The following TTC38 variants were observed in gnomAD, a reference collection of about 807,000 sequenced individuals.
TTC38 encodes tetratricopeptide repeat protein 38.
A neutral mutation model predicts 64.2 loss-of-function variants in TTC38; 64 were observed. That is an observed-to-expected ratio of 1.00 (90% CI 0.81 to 1.23). The LOEUF (loss-of-function observed/expected upper bound fraction) is 1.23. Among genes scored for constraint, TTC38 ranks in the 50% most tolerant of loss-of-function variants. The pLI, the probability that TTC38 is intolerant of heterozygous loss-of-function variation, is 0.00. For missense variants in TTC38, 573 were observed against 615.5 expected (o/e 0.93, Z 0.73); for synonymous variants, 254 against 249.3 (o/e 1.02, Z -0.18).
Position 46,275,564 on chromosome 22 carries a change from T to A in TTC38, c.539+143T>A. On this transcript the variant is annotated intron_variant, in intron 5 of 13. Transcript: ENST00000381031. The surrounding 1 kb of genome is among the most constrained non-coding windows in gnomAD (Gnocchi z 4.5). ...CCTAGTTCCTTAAAGTTCAAAGGCC[T>A]CATTTTCTTCACTTGATTTTCATCC... is the stretch of plus-strand genomic sequence containing the variant. 5 of 757,186 alleles carry A rather than the reference T, an allele frequency of 6.6e-6. No individual in the cohort carries two copies. Among genetic ancestry groups the A allele is most frequent in the Non-Finnish European group, 1.0e-5 (5 of 480,064 alleles). The allele number at this position is 757,186 out of a possible 1,614,324, so 46.9% of individuals were successfully genotyped here. A position where few individuals can be genotyped will look rare whatever the true frequency, so the allele number is the denominator to read the frequency against.
chr22:46,290,594 C>T (rs866885874), intron 13 of TTC38, among the ~76,000 whole-genome samples: 22 of 129,736 alleles, frequency 1.7e-4, no homozygotes, highest in African/African-American at 4.8e-4. Flanking sequence ...AGGAGGGTGG[C>T]GTGGCTGGAG....
Position 46,268,394 on chromosome 22 carries a change from C to T in TTC38, c.34-120C>T. ...CTTGGAACCGGCCCAGGACTGGGAGCCTGAGCCCATTTTACAGATGAGGAA... is the reference window on the plus strand; with the variant it reads ...CTTGGAACCGGCCCAGGACTGGGAGTCTGAGCCCATTTTACAGATGAGGAA... On this transcript the variant is annotated intron_variant, in intron 1 of 13. Coordinates refer to ENST00000381031, the MANE Select transcript of TTC38 (RefSeq NM_017931.4). 4 of 1,104,690 alleles carry T rather than the reference C, an allele frequency of 3.6e-6. No homozygotes were observed. In the South Asian group the frequency reaches 4.2e-5, roughly 12 times the overall value. 68.4% of individuals were successfully genotyped at this position (1,104,690 alleles called of 1,614,324 possible). A position where few individuals can be genotyped will look rare whatever the true frequency, so the allele number is the denominator to read the frequency against.
intron 10 of TTC38, 52 bp downstream of exon 10, chr22:46,287,206 A>C: frequency 6.7e-7 from 1 of 1,497,878 alleles, no homozygotes; most frequent in Non-Finnish European, 9.1e-7. Flanking sequence ...CCACATCATG[A>C]GGAGAGGGTG....
At chr22:46,280,006 G>T in intron 6 of TTC38, 1 of 407,844 alleles carries the variant, frequency 2.5e-6, no homozygotes, top group South Asian at 1.8e-5. Flanking sequence ...AGCAAGAAGT[G>T]GTGGATAGGG....
At chr22:46,290,259 A>G (rs927737442) in intron 13 of TTC38, among the ~76,000 whole-genome samples, 1 of 152,180 alleles carries the variant, frequency 6.6e-6, no homozygotes, top group African/African-American at 2.4e-5. Context: ...GTTAGACCTC[A>G]GCTCATTTCA....
intron 10 of TTC38, 138 bp downstream of exon 10, chr22:46,287,292 C>A: frequency 1.5e-6 from 1 of 677,250 alleles, no homozygotes; most frequent in Non-Finnish European, 2.4e-6. Context: ...CTGGCCACTG[C>A]CTTGGGTACC....
At chr22:46,283,776 C>T (rs562504848) in intron 7 of TTC38, among the ~76,000 whole-genome samples, 197 bp from the exon 8 acceptor site, 4 of 146,256 alleles carry the variant, frequency 2.7e-5, no homozygotes, top group East Asian at 2.1e-4. Flanking sequence ...TGCTTGAACC[C>T]GGGAGGCAGA....
chr22:46,288,706 G>C (rs1469760069), intron 11 of TTC38, 118 bp downstream of exon 11: 1 of 1,051,524 alleles, frequency 9.5e-7, no homozygotes, highest in Non-Finnish European at 1.4e-6. Context: ...CAGCAGGGGG[G>C]ATGCCCATGG....
chr22:46,268,677 G>A, intron 2 of TTC38, 86 bp downstream of exon 2: 1 of 1,180,168 alleles, frequency 8.5e-7, no homozygotes, highest in Non-Finnish European at 1.2e-6. Context: ...TTTTTGTTTT[G>A]TTTTGTTTTG....
intron 2 of TTC38, chr22:46,269,182 A>G (rs755740214): frequency 4.9e-5 from 19 of 387,048 alleles, no homozygotes; most frequent in South Asian, 3.5e-4. Context: ...TGCAGTGGGG[A>G]TGTTTTTTGA....
At chr22:46,283,543 C>T (rs2077549617) in intron 7 of TTC38, among the ~76,000 whole-genome samples, 1 of 152,158 alleles carries the variant, frequency 6.6e-6, no homozygotes, top group Non-Finnish European at 1.5e-5. Flanking sequence ...AATATTGTTT[C>T]CTGCACTCAA....
intron 13 of TTC38, among the ~76,000 whole-genome samples, chr22:46,290,675 AG>A (rs1480636587): frequency 1.3e-5 from 2 of 149,724 alleles, no homozygotes; most frequent in African/African-American, 2.5e-5. Context: ...GAGTGTTAGG[AG>A]GGTGGTGTGG....
intron 1 of TTC38, 145 bp downstream of exon 1, chr22:46,268,217 T>C: frequency 1.1e-6 from 1 of 936,860 alleles, no homozygotes; most frequent in Non-Finnish European, 1.5e-6. Context: ...CGGCAACGCC[T>C]GGAAGGGACC....
Position 46,289,809 on chromosome 22 carries a change from C to G in TTC38, c.1243-17C>G. On this transcript the variant is annotated splice_polypyrimidine_tract_variant and intron_variant, in intron 12 of 13. Transcript: ENST00000381031. ...TCCTGAGGTACAGGAGACTCACATG[C>G]CCGATTGACATTTCAGAGAGACGTC... 6.2e-7 allele frequency: 1 copy of G among 1,613,920 alleles called. No individual in the cohort carries two copies. The highest frequency in any genetic ancestry group is 1.1e-5 in the South Asian group (1 of 91,080).
intron 5 of TTC38, among the ~76,000 whole-genome samples, chr22:46,278,280 C>T (rs1274531630): frequency 6.6e-6 from 1 of 152,112 alleles, no homozygotes; most frequent in Non-Finnish European, 1.5e-5. Flanking sequence ...CTGGTGGTGC[C>T]CAGAGTTCCT....
At chr22:46,277,341 A>G (rs1478173159) in intron 5 of TTC38, among the ~76,000 whole-genome samples, 3 of 152,158 alleles carry the variant, frequency 2.0e-5, no homozygotes, top group African/African-American at 2.4e-5. Flanking sequence ...GCAATGGCTC[A>G]TGCCTGGAAT....
Position 46,292,741 on chromosome 22 carries a change from A to G in TTC38, c.1317-50A>G. 6.5e-7 allele frequency: 1 copy of G among 1,530,422 alleles called. No homozygotes were observed. The highest frequency in any genetic ancestry group is 9.0e-7 in the Non-Finnish European group (1 of 1,105,672). 94.8% of individuals were successfully genotyped at this position (1,530,422 alleles called of 1,614,324 possible). A position where few individuals can be genotyped will look rare whatever the true frequency, so the allele number is the denominator to read the frequency against. On this transcript the variant is annotated intron_variant, in intron 13 of 13. Transcript: ENST00000381031. This position sits in a 1 kb window ranked among gnomAD's most constrained non-coding sequence, Gnocchi z 6.5. Reference sequence around the variant, plus strand: ...TGGGACCAAGGGACCACCAGGCCCCACATCCCTCTAGAAGGTTCTGTAACA... The same window carrying G: ...TGGGACCAAGGGACCACCAGGCCCCGCATCCCTCTAGAAGGTTCTGTAACA...
Position 46,282,872 on chromosome 22 carries a change from G to A in TTC38, c.736-1101G>A, listed in dbSNP as rs2077544721. Reference sequence around the variant, plus strand: ...ATACCACCCACTCCCCTGGCTCTCGGGGCTTTGCCAGCACCTGTTGGAGTG... The same window carrying A: ...ATACCACCCACTCCCCTGGCTCTCGAGGCTTTGCCAGCACCTGTTGGAGTG... On this transcript the variant is annotated intron_variant, in intron 7 of 13. Transcript: ENST00000381031. This position sits in a 1 kb window ranked among gnomAD's most constrained non-coding sequence, Gnocchi z 4.4. 6.6e-6 allele frequency among the ~76,000 whole-genome samples: 1 copy of A among 152,190 alleles called. No homozygotes were observed. Among genetic ancestry groups the A allele is most frequent in the South Asian group, 2.1e-4 (1 of 4,830 alleles).
At chr22:46,280,083 T>C in intron 6 of TTC38, 1 of 470,312 alleles carries the variant, frequency 2.1e-6, no homozygotes, top group Middle Eastern at 3.3e-4. Flanking sequence ...CAACTCTTTG[T>C]CTTCAACACC....
Sources: allele counts gnomAD v4.1 joint callset (sites outside exome capture counted in the v4.1 genomes callset), GRCh38; gene constraint gnomAD v4.1.1; non-coding constraint Gnocchi (gnomAD v3.1); transcripts MANE v1.5; gene names NCBI Gene and HGNC (gene_info 2026-07-23, HGNC 2026-07-21).